Variants in ARHGAP1 observed in about 807,000 individuals in gnomAD.
ARHGAP1 encodes the protein Rho GTPase activating protein 1.
In ARHGAP1, 23 loss-of-function variants were observed where a neutral mutation model predicts 52.2. The observed-to-expected ratio is 0.44, with a 90% CI of 0.32 to 0.62. ARHGAP1 has a LOEUF of 0.62. ARHGAP1 is among the 20% of genes least tolerant of loss of function. The pLI is 0.05. For synonymous variants in ARHGAP1, 210 were observed against 228.4 expected, an observed-to-expected ratio of 0.92 and a Z score of 0.73; for missense variants, 480 against 560.9, an observed-to-expected ratio of 0.86 and a Z score of 1.46.
At chr11:46,692,111 C>T (rs985402433) in intron 3 of ARHGAP1, among the ~76,000 whole-genome samples, 1 of 152,170 alleles carries the variant, frequency 6.6e-6, no homozygotes, top group Non-Finnish European at 1.5e-5. Flanking sequence ...GCTGAGATCC[C>T]GGAGGCCAGC....
At chr11:46,700,210 A>G (rs2064691313) in intron 1 of ARHGAP1, among the ~76,000 whole-genome samples, 1 of 152,202 alleles carries the variant, frequency 6.6e-6, no homozygotes, top group African/African-American at 2.4e-5. Flanking sequence ...GGCAAGGAGG[A>G]ACACTTCCCC....
chr11:46,679,025 C>T lies in ARHGAP1; in HGVS notation c.*12G>A, dbSNP rs1386937143. 1 of 1,613,660 alleles carries T rather than the reference C, an allele frequency of 6.2e-7. No individual in the cohort carries two copies. The highest frequency in any genetic ancestry group is 1.1e-5 in the South Asian group (1 of 91,038). ...GCTACCAGAGAAGGGGCTGGTGGGG[C>T]AGGGGCCAGGTTCAGAGCCCGCTGG... On this transcript the variant is annotated 3_prime_UTR_variant, in exon 13 of 13. Coordinates refer to ENST00000311956, the MANE Select transcript of ARHGAP1 (RefSeq NM_004308.5). The surrounding 1 kb of genome is among the most constrained non-coding windows in gnomAD (Gnocchi z 4.4).
chr11:46,679,859 G>A lies in ARHGAP1; in HGVS notation c.899-83C>T. ...GCAGACAACGCGGGCCGCACTGCCT[G>A]ACTGCCCCTGGACACTGCATAAGCC... On this transcript the variant is annotated intron_variant, in intron 10 of 12. Coordinates refer to ENST00000311956, the MANE Select transcript of ARHGAP1 (RefSeq NM_004308.5). This position sits in a 1 kb window ranked among gnomAD's most constrained non-coding sequence, Gnocchi z 4.4. 6.3e-7 allele frequency: 1 copy of A among 1,586,392 alleles called. No homozygotes were observed. Among genetic ancestry groups the A allele is most frequent in the South Asian group, 1.1e-5 (1 of 88,034 alleles).
intron 3 of ARHGAP1, chr11:46,695,274 C>T: frequency 2.8e-6 from 1 of 354,684 alleles, no homozygotes; most frequent in East Asian, 7.4e-5. Flanking sequence ...TACAATTTCC[C>T]AGGAAGGACT....
chr11:46,688,291 G>A (rs1197578266), intron 3 of ARHGAP1, 31 bp from the exon 4 acceptor site: 1 of 1,593,124 alleles, frequency 6.3e-7, no homozygotes, highest in South Asian at 1.1e-5. Flanking sequence ...AGCACAGTGG[G>A]TTGAAGGGGA....
At chr11:46,688,392 C>T (rs2064587952) in intron 3 of ARHGAP1, 132 bp from the exon 4 acceptor site, 7 of 870,596 alleles carry the variant, frequency 8.0e-6, no homozygotes, top group South Asian at 1.7e-5. Context: ...TGCAGACAGA[C>T]CTCCGGGCAG....
Position 46,679,383 on chromosome 11 carries a change from C to T in ARHGAP1, c.1113G>A (p.Leu371=), listed in dbSNP as rs928565474. The stretch of plus-strand genomic sequence containing the variant: ...GTCTCACCTGCACCAGGAAAGCAGT[C>T]AGGAAACGAAGCACCTGGTAGTTCT... ...PEENYQVLRF[L]TAFLVQISAH... is the part of the protein sequence containing the mutation. Residue 371 remains leucine, a synonymous_variant, in exon 12 of 13, where the codon CTG becomes CTA. Transcript: ENST00000311956. This position sits in a 1 kb window ranked among gnomAD's most constrained non-coding sequence, Gnocchi z 4.4. 2 of 1,614,136 alleles carry T rather than the reference C, an allele frequency of 1.2e-6. No homozygotes were observed. Among genetic ancestry groups the T allele is most frequent in the African/African-American group, 1.3e-5 (1 of 75,048 alleles).
chr11:46,679,213 T>G lies in ARHGAP1; in HGVS notation c.1144A>C (p.Ser382Arg), dbSNP rs2064504520. 6.2e-7 allele frequency: 1 copy of G among 1,604,072 alleles called. No homozygotes were observed. Among genetic ancestry groups the G allele is most frequent in the African/African-American group, 1.3e-5 (1 of 74,868 alleles). Reference sequence around the variant, plus strand: ...GTGTTGGTCATCTTGTTCTGGTCACTGTGTGCAGAAATCTGTGGAGGGAAT... The same window carrying G: ...GTGTTGGTCATCTTGTTCTGGTCACGGTGTGCAGAAATCTGTGGAGGGAAT... ...TAFLVQISAH[S>R]DQNKMTNTNL... The change falls in exon 13 of 13, where the codon AGT (serine) becomes CGT (arginine). Residue 382 changes from serine (S) to arginine (R), a missense_variant. Coordinates refer to ENST00000311956, the MANE Select transcript of ARHGAP1 (RefSeq NM_004308.5). This position sits in a 1 kb window ranked among gnomAD's most constrained non-coding sequence, Gnocchi z 4.4.
chr11:46,682,268 C>T (rs1442771925), intron 4 of ARHGAP1, 86 bp from the exon 5 acceptor site: 46 of 1,550,106 alleles, frequency 3.0e-5, no homozygotes, highest in Non-Finnish European at 3.8e-5. Context: ...AGTCTCCCAC[C>T]ACGTCACAGC....
rs1476343963 is a variant in ARHGAP1, at chr11:46,696,137, T to G, written c.-30A>C. The G allele has an allele frequency of 1.3e-6, 2 of 1,566,166 alleles. No individual in the cohort carries two copies. The highest frequency in any genetic ancestry group is 1.7e-6 in the Non-Finnish European group (2 of 1,156,516). ...AAGCCTGTCCCAGACAGCCTTGCCCTGCAGAACCTTAAGAGAAACCTGGGA... is the reference window on the plus strand; with the variant it reads ...AAGCCTGTCCCAGACAGCCTTGCCCGGCAGAACCTTAAGAGAAACCTGGGA... On this transcript the variant is annotated 5_prime_UTR_variant, in exon 2 of 13. Transcript: ENST00000311956. This position sits in a 1 kb window ranked among gnomAD's most constrained non-coding sequence, Gnocchi z 4.8.
At chr11:46,695,142 G>A (rs541773138) in intron 3 of ARHGAP1, 23 of 281,614 alleles carry the variant, frequency 8.2e-5, no homozygotes, top group South Asian at 4.7e-4. Context: ...AGACCTAAGC[G>A]GGGCTCTGTA....
chr11:46,695,854 C>T (rs2064648937), intron 2 of ARHGAP1, 99 bp from the exon 3 acceptor site: 1 of 1,592,902 alleles, frequency 6.3e-7, no homozygotes, highest in Non-Finnish European at 8.6e-7. Context: ...AAGGCCCATG[C>T]TCCCAGCCCA....
At chr11:46,700,080 G>C (rs1046790365) in intron 1 of ARHGAP1, among the ~76,000 whole-genome samples, 4 of 152,130 alleles carry the variant, frequency 2.6e-5, no homozygotes, top group Admixed American at 2.0e-4. Context: ...TGAGGCAGGA[G>C]AATCGCTTGA....
chr11:46,694,878 G>A (rs545145746), intron 3 of ARHGAP1, among the ~76,000 whole-genome samples: 1 of 152,122 alleles, frequency 6.6e-6, no homozygotes, highest in East Asian at 1.9e-4. Context: ...TTCCAGGGCC[G>A]GTGTCTGCCA....
At chr11:46,690,604 T>C (rs1253041787) in intron 3 of ARHGAP1, among the ~76,000 whole-genome samples, 4 of 152,144 alleles carry the variant, frequency 2.6e-5, no homozygotes. Context: ...TCCTTTCTCA[T>C]TAAGATATTC....
rs1201403616 is a variant in ARHGAP1, at chr11:46,679,693, G to C, written c.982C>G (p.Pro328Ala). 6.2e-7 allele frequency: 1 copy of C among 1,614,116 alleles called. No homozygotes were observed. Among genetic ancestry groups the C allele is most frequent in the South Asian group, 1.1e-5 (1 of 91,080 alleles). The change falls in exon 11 of 13, where the codon CCC becomes GCC. Residue 328 changes from proline to alanine, a missense_variant. By Grantham distance (27) the Pro-to-Ala change is conservative (BLOSUM62 -1). Coordinates refer to ENST00000311956, the MANE Select transcript of ARHGAP1 (RefSeq NM_004308.5). The surrounding 1 kb of genome is among the most constrained non-coding windows in gnomAD (Gnocchi z 4.4). ...LKTFLRELPE[P>A]LLTFDLYPHV... is the part of the protein sequence containing the mutation. ...GGGTAGAGGTCAAAGGTGAGCAGGGGCTCAGGAAGCTCCCGGAGGAAGGTC... is the reference window on the plus strand; with the variant it reads ...GGGTAGAGGTCAAAGGTGAGCAGGGCCTCAGGAAGCTCCCGGAGGAAGGTC...
In ARHGAP1 at chr11:46,680,639, C is replaced by T; in HGVS notation, c.743+1G>A. The T allele has an allele frequency of 2.5e-6, 4 of 1,613,386 alleles. No individual in the cohort carries two copies. The highest frequency in any genetic ancestry group is 3.4e-6 in the Non-Finnish European group (4 of 1,179,562). ...GTGGCCCAGCCACCTTTCATACTTA[C>T]TGCTGCAGCGAGACTCCAAACTGCT... On this transcript the variant is annotated splice_donor_variant, in intron 8 of 12. Coordinates refer to ENST00000311956, the MANE Select transcript of ARHGAP1 (RefSeq NM_004308.5). LOFTEE classifies it high-confidence loss of function. The surrounding 1 kb of genome is among the most constrained non-coding windows in gnomAD (Gnocchi z 5.9).
At position 46,677,082 on chromosome 11, in the gene ARHGAP1, T is replaced by C. The variant is rs775180226; in HGVS notation, c.*1955A>G. 6 of 152,644 alleles carry C rather than the reference T, an allele frequency of 3.9e-5. No homozygotes were observed. Among genetic ancestry groups the C allele is most frequent in the African/African-American group, 1.4e-4 (6 of 41,448 alleles). The allele number at this position is 152,644 out of a possible 1,614,324, so 9.5% of individuals were successfully genotyped here. On this transcript the variant is annotated 3_prime_UTR_variant, in exon 13 of 13. Transcript: ENST00000311956. ...TTCCCCAACATCCAGATGAGCAGTT[T>C]TGCATCAACATTTTTATTGAAATAC...
At chr11:46,693,158 C>G (rs774289154) in intron 3 of ARHGAP1, among the ~76,000 whole-genome samples, 13 of 151,116 alleles carry the variant, frequency 8.6e-5, no homozygotes, top group Non-Finnish European at 1.5e-4. Context: ...GGCCTTAACC[C>G]CAGCTAATTT....
Sources: allele counts gnomAD v4.1 joint callset (sites outside exome capture counted in the v4.1 genomes callset), GRCh38; gene constraint gnomAD v4.1.1; non-coding constraint Gnocchi (gnomAD v3.1); transcripts MANE v1.5; gene names NCBI Gene and HGNC (gene_info 2026-07-23, HGNC 2026-07-21).